BCAS1: variants seen among roughly 807,000 people sequenced by gnomAD.
BCAS1 encodes the protein breast carcinoma-amplified sequence 1.
Under a neutral mutation model 65.4 loss-of-function variants are expected in BCAS1, and 46 were observed. That is an observed-to-expected ratio of 0.70 (90% CI 0.55 to 0.90). BCAS1 has a LOEUF of 0.90. Among genes scored for constraint, BCAS1 ranks in the 40% least tolerant of loss-of-function variants. The pLI is 0.00. For synonymous variants in BCAS1, 298 were observed against 293.5 expected (o/e 1.02, Z -0.16); for missense variants, 793 against 771.2 (o/e 1.03, Z -0.33).
At chr20:53,954,705 C>T (rs1232578295) in intron 11 of BCAS1, among the ~76,000 whole-genome samples, 2 of 152,126 alleles carry the variant, frequency 1.3e-5, no homozygotes, top group Admixed American at 6.5e-5. Flanking sequence ...TATCTTATTT[C>T]TCCAGCTGCA....
At chr20:54,006,337 C>T (rs1483616125) in intron 4 of BCAS1, among the ~76,000 whole-genome samples, 1 of 152,126 alleles carries the variant, frequency 6.6e-6, no homozygotes, top group African/African-American at 2.4e-5. Context: ...CTGCAAGGAC[C>T]TCAGGCCATG....
chr20:54,060,478 A>T (rs1052855224), intron 1 of BCAS1, among the ~76,000 whole-genome samples: 34 of 137,730 alleles, frequency 2.5e-4, no homozygotes, highest in East Asian at 1.9e-3. Context: ...ACACCAGACT[A>T]TTTTTTTTTT....
At chr20:54,054,639 G>T (rs997491740) in intron 3 of BCAS1, among the ~76,000 whole-genome samples, 1 of 152,146 alleles carries the variant, frequency 6.6e-6, no homozygotes, top group Non-Finnish European at 1.5e-5. Flanking sequence ...TTGCTACCTC[G>T]GGATTAACTG....
At chr20:53,986,858 C>A (rs868588812) in intron 7 of BCAS1, among the ~76,000 whole-genome samples, 1 of 152,072 alleles carries the variant, frequency 6.6e-6, no homozygotes, top group Admixed American at 6.6e-5. Flanking sequence ...CCACTGTACT[C>A]CAGCCTAGGC....
rs1391284796 is a variant in BCAS1, at chr20:54,041,908, C to CAAAAAAAAAAAAAA, written c.143-12937_143-12936insTTTTTTTTTTTTTT. 6.6e-3 allele frequency among the ~76,000 whole-genome samples: 445 copies of CAAAAAAAAAAAAAA among 67,204 alleles called. 86 individuals are homozygous for CAAAAAAAAAAAAAA. The highest frequency in any genetic ancestry group is 8.4e-3 in the Non-Finnish European group (291 of 34,580). 44.1% of individuals were successfully genotyped at this position (67,204 alleles called of 152,430 possible). A position where few individuals can be genotyped will look rare whatever the true frequency, so the allele number is the denominator to read the frequency against. On this transcript the variant is annotated intron_variant, in intron 3 of 12. Transcript: ENST00000688948. ...AGTTCAGAGTGAGACTCTGTCTCCC[C>CAAAAAAAAAAAAAA]CAAAAAAAAAAAAAAAAAAAAAAGA...
At chr20:53,987,517 TTC>T (rs1438530622) in intron 7 of BCAS1, among the ~76,000 whole-genome samples, 1 of 152,214 alleles carries the variant, frequency 6.6e-6, no homozygotes, top group Non-Finnish European at 1.5e-5. Context: ...GTAGCTTGTT[TTC>T]TTTTTCAGAA....
intron 1 of BCAS1, among the ~76,000 whole-genome samples, chr20:54,063,758 C>T (rs975967339): frequency 1.3e-5 from 2 of 152,090 alleles, no homozygotes; most frequent in Non-Finnish European, 2.9e-5. Context: ...AGGCTCAAGG[C>T]AGTTCAGACA....
intron 4 of BCAS1, among the ~76,000 whole-genome samples, chr20:53,999,133 T>C (rs1218617261): frequency 2.6e-5 from 4 of 152,208 alleles, no homozygotes; most frequent in African/African-American, 9.7e-5. Flanking sequence ...TAAATCCAGG[T>C]GGTGGAAAAC....
At chr20:53,957,909 G>C (rs2089752877) in intron 10 of BCAS1, among the ~76,000 whole-genome samples, 1 of 150,874 alleles carries the variant, frequency 6.6e-6, no homozygotes, top group Non-Finnish European at 1.5e-5. Context: ...CTCCTTGATA[G>C]AGATATGAGT....
intron 4 of BCAS1, among the ~76,000 whole-genome samples, chr20:53,996,461 T>TAAAAAAA (rs143929524): frequency 3.6e-3 from 331 of 90,960 alleles, no homozygotes; most frequent in Non-Finnish European, 5.3e-3. Context: ...TTATATCAAC[T>TAAAAAAA]AAAAAAAAAA....
chr20:54,015,868 T>A (rs1189124336), intron 4 of BCAS1, among the ~76,000 whole-genome samples: 1 of 152,256 alleles, frequency 6.6e-6, no homozygotes, highest in Admixed American at 6.5e-5. Context: ...GGCATTTTTT[T>A]ACTTTTAGTT....
At chr20:53,945,251 A>G (rs970787366) in intron 12 of BCAS1, among the ~76,000 whole-genome samples, 1 of 152,160 alleles carries the variant, frequency 6.6e-6, no homozygotes, top group Non-Finnish European at 1.5e-5. Context: ...TTATCTTTAA[A>G]ATGGAAATGA....
chr20:54,064,402 C>T (rs1246932277), intron 1 of BCAS1, among the ~76,000 whole-genome samples: 1 of 152,224 alleles, frequency 6.6e-6, no homozygotes, highest in Non-Finnish European at 1.5e-5. Flanking sequence ...ATAGCTCAGG[C>T]TTCGGAGTCC....
intron 4 of BCAS1, among the ~76,000 whole-genome samples, chr20:54,002,245 C>G (rs545993671): frequency 4.6e-5 from 7 of 152,170 alleles, no homozygotes; most frequent in Non-Finnish European, 8.8e-5. Flanking sequence ...GTTCCTCCCC[C>G]CTAGGCTATG....
chr20:53,997,267 CGAG>C (rs2090942211), intron 4 of BCAS1, among the ~76,000 whole-genome samples: 1 of 152,136 alleles, frequency 6.6e-6, no homozygotes, highest in Non-Finnish European at 1.5e-5. Flanking sequence ...CCAAGGACAG[CGAG>C]GCCCACAGAA....
chr20:54,014,291 G>T (rs1231625818), intron 4 of BCAS1, among the ~76,000 whole-genome samples: 1 of 152,220 alleles, frequency 6.6e-6, no homozygotes, highest in Non-Finnish European at 1.5e-5. Flanking sequence ...CTCTGTGTGA[G>T]AAGTTTATAT....
chr20:54,049,306 T>C (rs2092168224), intron 3 of BCAS1, among the ~76,000 whole-genome samples: 2 of 152,192 alleles, frequency 1.3e-5, no homozygotes, highest in African/African-American at 2.4e-5. Context: ...TTTATCCAGG[T>C]CAAACATTCC....
At chr20:54,046,033 A>G (rs1189059239) in intron 3 of BCAS1, among the ~76,000 whole-genome samples, 1 of 152,242 alleles carries the variant, frequency 6.6e-6, no homozygotes, top group African/African-American at 2.4e-5. Flanking sequence ...GACAGGTTTC[A>G]CCAAAACAAC....
rs146740932 is a variant in BCAS1 at position 53,975,854 on chromosome 20, G to C, written c.1276-424C>G. On this transcript the variant is annotated intron_variant, in intron 8 of 12. Transcript: ENST00000688948. The stretch of plus-strand genomic sequence containing the variant: ...ACTCAGGAAAATTCTGGTAATAAGT[G>C]CAGAGAAACTCGTTCAATTGTCCTT... 2.5e-3 allele frequency among the ~76,000 whole-genome samples: 385 copies of C among 152,266 alleles called. 2 individuals carry two copies. Among genetic ancestry groups the C allele is most frequent in the African/African-American group, 9.1e-3 (378 of 41,532 alleles).
Sources: allele counts gnomAD v4.1 joint callset (sites outside exome capture counted in the v4.1 genomes callset), GRCh38; gene constraint gnomAD v4.1.1; transcripts MANE v1.5; gene names NCBI Gene and HGNC (gene_info 2026-07-23, HGNC 2026-07-21).